MYO16: variants seen among roughly 807,000 people sequenced by gnomAD.
MYO16 encodes the protein unconventional myosin-XVI.
Under a neutral mutation model 205.3 loss-of-function variants are expected in MYO16, and 94 were observed. The ratio of observed to expected loss-of-function variants is 0.46; its 90% CI spans 0.39 to 0.54. The LOEUF is 0.54. MYO16 is among the 20% of genes least tolerant of loss of function. The pLI is 0.00. For synonymous variants in MYO16, 988 were observed against 954.0 expected (o/e 1.04, Z -0.66); for missense variants, 2,315 against 2,387.5 (o/e 0.97, Z 0.63).
At chr13:108,607,282 A>G in intron 1 of MYO16, among the ~76,000 whole-genome samples, 1 of 152,094 alleles carries the variant, frequency 6.6e-6, no homozygotes, top group African/African-American at 2.4e-5. Flanking sequence ...AGGAGCCAGG[A>G]GTGGAATCAT....
chr13:108,947,894 T>G (rs1045979502), intron 16 of MYO16, among the ~76,000 whole-genome samples: 4 of 152,262 alleles, frequency 2.6e-5, no homozygotes, highest in Non-Finnish European at 4.4e-5. Context: ...AGGATTCTGT[T>G]CTTTTCCTGA....
chr13:108,642,163 G>A (rs534629848), intron 1 of MYO16, among the ~76,000 whole-genome samples: 6 of 152,154 alleles, frequency 3.9e-5, no homozygotes, highest in African/African-American at 7.2e-5. Context: ...TCTCCTTACC[G>A]TTATTCTTTC....
intron 16 of MYO16, among the ~76,000 whole-genome samples, chr13:108,957,459 G>A (rs1883412871): frequency 6.6e-6 from 1 of 150,678 alleles, no homozygotes; most frequent in Non-Finnish European, 1.5e-5. Context: ...CAGCTAAGAT[G>A]AAAACCGAGT....
intron 32 of MYO16, among the ~76,000 whole-genome samples, chr13:109,151,571 C>T (rs1260047037): frequency 6.6e-6 from 1 of 152,164 alleles, no homozygotes; most frequent in African/African-American, 2.4e-5. Flanking sequence ...CCAAAAAGAG[C>T]TTCTTCATAC....
At chr13:108,602,669 T>C (rs1878808383) in intron 1 of MYO16, among the ~76,000 whole-genome samples, 2 of 152,162 alleles carry the variant, frequency 1.3e-5, no homozygotes, top group Admixed American at 6.5e-5. Flanking sequence ...ATAAAGGCTA[T>C]GTTGGAAGTG....
chr13:108,741,412 C>T (rs1884907039), intron 4 of MYO16, among the ~76,000 whole-genome samples: 1 of 152,118 alleles, frequency 6.6e-6, no homozygotes, highest in South Asian at 2.1e-4. Context: ...CTGGATAGCA[C>T]CTTAGCAGTA....
chr13:109,040,452 G>A (rs1002115934), intron 23 of MYO16, among the ~76,000 whole-genome samples: 2 of 133,194 alleles, frequency 1.5e-5, no homozygotes, highest in Non-Finnish European at 3.2e-5. Context: ...ATGAATATAG[G>A]TGAAAAAATA....
chr13:109,009,747 A>G (rs1039402677), intron 22 of MYO16, among the ~76,000 whole-genome samples: 13 of 152,206 alleles, frequency 8.5e-5, no homozygotes, highest in African/African-American at 3.1e-4. Context: ...CTCTCTTTCC[A>G]TAAAGATAGA....
intron 1 of MYO16, among the ~76,000 whole-genome samples, chr13:108,641,704 C>G (rs907547163): frequency 6.6e-6 from 1 of 152,226 alleles, no homozygotes; most frequent in Non-Finnish European, 1.5e-5. Context: ...CCCTTCCACA[C>G]AGCACTCATG....
chr13:109,152,568 C>T (rs1252717326), intron 32 of MYO16, among the ~76,000 whole-genome samples: 1 of 152,146 alleles, frequency 6.6e-6, no homozygotes, highest in African/African-American at 2.4e-5. Context: ...GATGTGGGAT[C>T]ATAAAAACGT....
intron 1 of MYO16, among the ~76,000 whole-genome samples, chr13:108,640,868 A>C (rs1409417231): frequency 6.6e-6 from 1 of 152,270 alleles, no homozygotes; most frequent in African/African-American, 2.4e-5. Context: ...TTCATAAATT[A>C]ATGCTAGAAT....
intron 10 of MYO16, among the ~76,000 whole-genome samples, chr13:108,845,395 G>A (rs1357717278): frequency 6.6e-6 from 1 of 152,140 alleles, no homozygotes; most frequent in Non-Finnish European, 1.5e-5. Context: ...TCTGGATTCT[G>A]AGGGTCCAAG....
At chr13:108,953,927 T>C (rs537171513) in intron 16 of MYO16, among the ~76,000 whole-genome samples, 18 of 152,194 alleles carry the variant, frequency 1.2e-4, no homozygotes, top group Non-Finnish European at 2.6e-4. Flanking sequence ...ACAACCAAGC[T>C]GAAGCCATCT....
intron 23 of MYO16, among the ~76,000 whole-genome samples, chr13:109,031,412 GTT>G (rs558057601): frequency 6.6e-6 from 1 of 152,086 alleles, no homozygotes. Context: ...AATTCATTTA[GTT>G]TTTTTGTTTC....
At chr13:109,029,402 T>A (rs758190265) in intron 23 of MYO16, among the ~76,000 whole-genome samples, 48 of 152,140 alleles carry the variant, frequency 3.2e-4, no homozygotes, top group Non-Finnish European at 6.8e-4. Flanking sequence ...GCGGGATCTC[T>A]GTCTGTTGAG....
chr13:108,707,252 A>G (rs534236419), intron 2 of MYO16, among the ~76,000 whole-genome samples: 45 of 152,236 alleles, frequency 3.0e-4, no homozygotes, highest in Non-Finnish European at 5.1e-4. Context: ...ATGGCTGTCT[A>G]TGCTTCTCAG....
At chr13:109,154,080 A>C (rs1018782057) in intron 32 of MYO16, among the ~76,000 whole-genome samples, 1 of 152,258 alleles carries the variant, frequency 6.6e-6, no homozygotes, top group African/African-American at 2.4e-5. Flanking sequence ...GACACGGTCC[A>C]TGTAGCTCTT....
chr13:109,157,110 T>A (rs1878089221), intron 32 of MYO16, among the ~76,000 whole-genome samples: 1 of 151,912 alleles, frequency 6.6e-6, no homozygotes, highest in Admixed American at 6.5e-5. Flanking sequence ...CTCAGTGGGA[T>A]TGAACTCAGC....
intron 1 of MYO16, among the ~76,000 whole-genome samples, chr13:108,650,461 T>C (rs1056739581): frequency 1.3e-5 from 2 of 152,206 alleles, no homozygotes; most frequent in African/African-American, 4.8e-5. Context: ...ATTAAATACC[T>C]TTCTGGCAGG....
Sources: gnomAD v4.1 joint callset for allele counts (sites outside exome capture counted in the v4.1 genomes callset) on GRCh38, gnomAD v4.1.1 for gene constraint, MANE v1.5 for transcripts, NCBI Gene and HGNC (gene_info 2026-07-23, HGNC 2026-07-21) for gene names.